The following ZNF22 variants were observed in gnomAD, a reference collection of about 807,000 sequenced individuals.
ZNF22 encodes the protein krox-26 protein.
ZNF22 carries 15 observed loss-of-function variants against 17.0 expected under a neutral mutation model. That is an observed-to-expected ratio of 0.88 (90% CI 0.59 to 1.36). ZNF22 has a LOEUF of 1.36. ZNF22 is among the 40% of genes most tolerant of loss of function. The pLI is 0.00. For synonymous variants in ZNF22, 84 were observed against 90.7 expected (o/e 0.93, Z 0.42); for missense variants, 272 against 276.1 (o/e 0.98, Z 0.11).
chr10:45,002,648 C>T (rs2132821562), intron 1 of ZNF22: 1 of 152,308 alleles, frequency 6.6e-6, no homozygotes, highest in East Asian at 1.9e-4. Context: ...GTAAACCTAC[C>T]ACTCCCTGTA....
chr10:45,004,013 A>G lies in ZNF22; in HGVS notation c.645A>G (p.Thr215=), dbSNP rs147599703. ...ACTTACCCTCTTGGAAAGCTGGTAC[A>G]GGAAGGAAGTCTGTGGCTGGTCTCC... is the stretch of plus-strand genomic sequence containing the variant. ...KTHLPSWKAG[T]GRKSVAGLR Residue 215 remains threonine, a synonymous_variant, in exon 2 of 2, where the codon ACA becomes ACG. Transcript: ENST00000298299. The G allele has an allele frequency of 7.6e-5, 122 of 1,612,620 alleles. No homozygotes were observed. Among genetic ancestry groups the G allele is most frequent in the South Asian group, 7.4e-4 (67 of 91,012 alleles).
chr10:45,003,504 C>T lies in ZNF22; in HGVS notation c.136C>T (p.Leu46Phe), dbSNP rs1201311867. The T allele has an allele frequency of 1.2e-6, 2 of 1,614,110 alleles. No individual in the cohort carries two copies. Among genetic ancestry groups the T allele is most frequent in the Non-Finnish European group, 8.5e-7 (1 of 1,180,050 alleles). Residue 46 changes from leucine (L) to phenylalanine (F), a missense_variant, in exon 2 of 2, where the codon CTC (leucine) becomes TTC (phenylalanine). By Grantham distance (22) the Leu-to-Phe change is conservative. Transcript: ENST00000298299. ...TCGATTTGACTCAAGCTTCAGTAGA[C>T]TCAGAAGAAGCTTGGATGACAAACC... is the stretch of plus-strand genomic sequence containing the variant. The part of the protein sequence containing the change: ...TIRFDSSFSR[L>F]RRSLDDKPYK...
chr10:45,003,116 C>G (rs1458172552), intron 1 of ZNF22, 164 bp from the exon 2 acceptor site: 8 of 353,430 alleles, frequency 2.3e-5, no homozygotes, highest in Non-Finnish European at 1.5e-5. Context: ...GCAAGTATTT[C>G]CCCCAAATTT....
rs553919922 is a variant in ZNF22, at chr10:45,004,808, C to T, written c.*765C>T. ...TTCTTTGTGATGGTAACTGCTGTGT[C>T]GTTTGTTTTCCACAAGTTGGGATGG... On this transcript the variant is annotated 3_prime_UTR_variant, in exon 2 of 2. Coordinates refer to ENST00000298299, the MANE Select transcript of ZNF22 (RefSeq NM_006963.5). 4 of 167,058 alleles carry T rather than the reference C, an allele frequency of 2.4e-5. No homozygotes were observed. The highest frequency in any genetic ancestry group is 5.9e-5 in the Non-Finnish European group (4 of 68,134). 10.3% of individuals were successfully genotyped at this position (167,058 alleles called of 1,614,324 possible).
rs532748391 is a variant in ZNF22, at chr10:45,000,948, A to T, written c.-120A>T. ...ACTTCCGGCGGCGCGGGAGGCGCCC[A>T]GCGAGCCAGAGTGGTGGCTGGTCCC... On this transcript the variant is annotated 5_prime_UTR_variant, in exon 1 of 2. Transcript: ENST00000298299. 113 of 1,032,140 alleles carry T rather than the reference A, an allele frequency of 1.1e-4. No homozygotes were observed. In the African/African-American group the frequency reaches 1.7e-3, roughly 16 times the overall value. 63.9% of individuals were successfully genotyped at this position (1,032,140 alleles called of 1,614,324 possible). A position where few individuals can be genotyped will look rare whatever the true frequency, so the allele number is the denominator to read the frequency against.
At chr10:45,001,912 A>G (rs1842336895) in intron 1 of ZNF22, among the ~76,000 whole-genome samples, 1 of 151,538 alleles carries the variant, frequency 6.6e-6, no homozygotes, top group South Asian at 2.1e-4. Flanking sequence ...CACCAACACC[A>G]TGTACCTAAC....
chr10:45,004,161 CT>C lies in ZNF22; in HGVS notation c.*122del, dbSNP rs1842355924. The stretch of plus-strand genomic sequence containing the variant: ...ATAGTAGATCACTTAAATACTGGAT[CT>C]TTTGCTAGTGTGAAAACATTGGGAA... On this transcript the variant is annotated 3_prime_UTR_variant, in exon 2 of 2. Transcript: ENST00000298299. 1.8e-6 allele frequency: 2 copies of C among 1,112,518 alleles called. No homozygotes were observed. Among genetic ancestry groups the C allele is most frequent in the Admixed American group, 3.1e-5 (1 of 32,266 alleles). The allele number at this position is 1,112,518 out of a possible 1,614,324, so 68.9% of individuals were successfully genotyped here. A position where few individuals can be genotyped will look rare whatever the true frequency, so the allele number is the denominator to read the frequency against.
chr10:45,003,148 G>A, intron 1 of ZNF22, 132 bp from the exon 2 acceptor site: 1 of 407,070 alleles, frequency 2.5e-6, no homozygotes, highest in Non-Finnish European at 4.3e-6. Context: ...ATCTTTGTTT[G>A]CATTTATACT....
chr10:45,001,968 T>C (rs1234157931), intron 1 of ZNF22, among the ~76,000 whole-genome samples: 2 of 152,112 alleles, frequency 1.3e-5, no homozygotes, highest in Admixed American at 1.3e-4. Context: ...TTTGCTTAAG[T>C]TAAGGAGTGG....
At chr10:45,002,699 A>G (rs908258077) in intron 1 of ZNF22, 11 of 152,258 alleles carry the variant, frequency 7.2e-5, no homozygotes, top group African/African-American at 2.7e-4. Flanking sequence ...CTACAGAATT[A>G]GAGCTAAACT....
chr10:45,004,290 G>A lies in ZNF22; in HGVS notation c.*247G>A, dbSNP rs867197968. 19 of 419,750 alleles carry A rather than the reference G, an allele frequency of 4.5e-5. No individual in the cohort carries two copies. Among genetic ancestry groups the A allele is most frequent in the Middle Eastern group, 6.5e-4 (1 of 1,528 alleles). The allele number at this position is 419,750 out of a possible 1,614,324, so 26.0% of individuals were successfully genotyped here. A position where few individuals can be genotyped will look rare whatever the true frequency, so the allele number is the denominator to read the frequency against. On this transcript the variant is annotated 3_prime_UTR_variant, in exon 2 of 2. Transcript: ENST00000298299. ...AAAGAACTGAAAATATGTTTTGAGG[G>A]AGCATGACATCCTTGACCTCATTTG...
intron 1 of ZNF22, among the ~76,000 whole-genome samples, chr10:45,001,822 A>G (rs1328789190): frequency 6.6e-6 from 1 of 152,086 alleles, no homozygotes; most frequent in African/African-American, 2.4e-5. Flanking sequence ...GTTTCTGACT[A>G]GATCTGACTT....
chr10:45,001,439 A>G (rs1269581273), intron 1 of ZNF22, among the ~76,000 whole-genome samples: 2 of 152,118 alleles, frequency 1.3e-5, no homozygotes, highest in Non-Finnish European at 2.9e-5. Context: ...CTTTATCATT[A>G]CCCTCCCCAT....
In ZNF22 at chr10:45,003,828, C is replaced by A; in HGVS notation, c.460C>A (p.Leu154Ile). 1 of 1,614,156 alleles carries A rather than the reference C, an allele frequency of 6.2e-7. No homozygotes were observed. ...CCGGTGTTTCAGCCAGAGCTCCCAC[C>A]TTATTCAACATCAGAGAACCCACAC... is the stretch of plus-strand genomic sequence containing the variant. ...CGRCFSQSSH[L>I]IQHQRTHTGE... Residue 154 changes from leucine to isoleucine, a missense_variant, in exon 2 of 2, where the codon CTT (leucine) becomes ATT (isoleucine). Physicochemically the swap from Leu to Ile is conservative, Grantham distance 5. Coordinates refer to ENST00000298299, the MANE Select transcript of ZNF22 (RefSeq NM_006963.5).
intron 1 of ZNF22, chr10:45,002,977 G>A (rs1189156746): frequency 6.2e-6 from 1 of 161,200 alleles, no homozygotes; most frequent in Non-Finnish European, 1.3e-5. Context: ...GTAATGCTTG[G>A]AAGATTTATA....
Position 45,005,098 on chromosome 10 carries a change from CTCTT to C in ZNF22, c.*1059_*1062del, listed in dbSNP as rs1379950803. The C allele has an allele frequency of 1.2e-5, 2 of 166,946 alleles. No individual in the cohort carries two copies. Among genetic ancestry groups the C allele is most frequent in the Non-Finnish European group, 2.9e-5 (2 of 68,112 alleles). 10.3% of individuals were successfully genotyped at this position (166,946 alleles called of 1,614,324 possible). The stretch of plus-strand genomic sequence containing the variant: ...ACATTGTAGCTCCTTTGAAATTTAA[CTCTT>C]TCTGTGTTACATGAATTGTTTTAAG... On this transcript the variant is annotated 3_prime_UTR_variant, in exon 2 of 2. Coordinates refer to ENST00000298299, the MANE Select transcript of ZNF22 (RefSeq NM_006963.5).
intron 1 of ZNF22, 126 bp from the exon 2 acceptor site, chr10:45,003,154 A>C (rs937499694): frequency 9.6e-6 from 4 of 416,694 alleles, no homozygotes; most frequent in African/African-American, 8.2e-5. Flanking sequence ...GTTTGCATTT[A>C]TACTTTTTAA....
chr10:45,004,181 T>C lies in ZNF22; in HGVS notation c.*138T>C. The stretch of plus-strand genomic sequence containing the variant: ...TGGATCTTTTGCTAGTGTGAAAACA[T>C]TGGGAATTTAATGACATTATTGAGC... On this transcript the variant is annotated 3_prime_UTR_variant, in exon 2 of 2. Transcript: ENST00000298299. 3.1e-6 allele frequency: 3 copies of C among 972,488 alleles called. No individual in the cohort carries two copies. The highest frequency in any genetic ancestry group is 4.4e-6 in the Non-Finnish European group (3 of 680,030). The allele number at this position is 972,488 out of a possible 1,614,324, so 60.2% of individuals were successfully genotyped here.
chr10:45,003,391 C>T lies in ZNF22; in HGVS notation c.23C>T (p.Ala8Val), dbSNP rs572884933. Residue 8 changes from alanine (A) to valine (V), a missense_variant, in exon 2 of 2, where the codon GCG becomes GTG. Coordinates refer to ENST00000298299, the MANE Select transcript of ZNF22 (RefSeq NM_006963.5). MRLAKPK[A>V]GISRSSSQGK... is the part of the protein sequence containing the mutation. ...ACCATGAGGTTAGCAAAGCCTAAAGCGGGTATTTCTCGGAGCTCAAGCCAA... is the reference window on the plus strand; with the variant it reads ...ACCATGAGGTTAGCAAAGCCTAAAGTGGGTATTTCTCGGAGCTCAAGCCAA... 2.5e-6 allele frequency: 4 copies of T among 1,608,562 alleles called. No individual in the cohort carries two copies. Among genetic ancestry groups the T allele is most frequent in the East Asian group, 2.2e-5 (1 of 44,810 alleles).
Sources: allele counts gnomAD v4.1 joint callset (sites outside exome capture counted in the v4.1 genomes callset), GRCh38; gene constraint gnomAD v4.1.1; transcripts MANE v1.5; gene names NCBI Gene and HGNC (gene_info 2026-07-23, HGNC 2026-07-21).